Variants in USPL1 observed in about 807,000 individuals in gnomAD.
The protein encoded by USPL1 is SUMO-specific isopeptidase USPL1.
A neutral mutation model predicts 51.5 loss-of-function variants in USPL1; 27 were observed. The observed-to-expected ratio is 0.52, with a 90% CI of 0.39 to 0.72. The LOEUF is 0.72. Among genes scored for constraint, USPL1 ranks in the 30% least tolerant of loss-of-function variants. The probability of loss-of-function intolerance (pLI) is 0.00; values close to 1 mark genes in which losing one functional copy is unlikely to be tolerated. For synonymous variants in USPL1, 451 were observed against 459.6 expected, an observed-to-expected ratio of 0.98 and a Z score of 0.24; for missense variants, 1,226 against 1,268.0, an observed-to-expected ratio of 0.97 and a Z score of 0.50.
At position 30,631,087 on chromosome 13, in the gene USPL1, A is replaced by C. The variant is rs762040140; in HGVS notation, c.481A>C (p.Asn161His). 1.4e-5 allele frequency: 22 copies of C among 1,614,194 alleles called. No homozygotes were observed. Among genetic ancestry groups the C allele is most frequent in the Non-Finnish European group, 1.9e-5 (22 of 1,180,042 alleles). Residue 161 changes from asparagine (N) to histidine (H), a missense_variant, in exon 4 of 9, where the codon AAT becomes CAT. Asn to His is a moderately conservative substitution (Grantham distance 68). Coordinates refer to ENST00000255304, the MANE Select transcript of USPL1 (RefSeq NM_005800.5). ...SNLPDSSGQQ[N>H]PIRTADSLER... is the part of the protein sequence containing the mutation. ...CTTACCTGATAGTAGTGGTCAACAG[A>C]ATCCAATTAGGACAGCTGATTCCTT...
At chr13:30,623,502 TTATAG>T (rs778291003) in intron 3 of USPL1, among the ~76,000 whole-genome samples, 41 of 152,166 alleles carry the variant, frequency 2.7e-4, no homozygotes, top group African/African-American at 9.1e-4. Flanking sequence ...GGGAGATTAG[TTATAG>T]TATAATATGA....
In USPL1 at chr13:30,642,640, G is replaced by A. The variant is rs778912200; in HGVS notation, c.995G>A (p.Ser332Asn). 1.2e-6 allele frequency: 2 copies of A among 1,612,720 alleles called. No individual in the cohort carries two copies. Among genetic ancestry groups the A allele is most frequent in the East Asian group, 4.5e-5 (2 of 44,828 alleles). The change falls in exon 6 of 9, where the codon AGC becomes AAC. Residue 332 changes from serine (S) to asparagine (N), a missense_variant. Transcript: ENST00000255304. ...QLRCTLGDME[S>N]PVFAFPLLLK... is the part of the protein sequence containing the mutation. ...TTTCTTTTTGAAGGTGATATGGAAA[G>A]CCCTGTGTTTGCATTTCCCCTGCTC... is the stretch of plus-strand genomic sequence containing the variant.
chr13:30,633,172 A>C (rs1030948483), intron 4 of USPL1, among the ~76,000 whole-genome samples: 1 of 152,224 alleles, frequency 6.6e-6, no homozygotes, highest in Non-Finnish European at 1.5e-5. Context: ...ATAGTACAGT[A>C]ATATATTTTG....
At chr13:30,634,293 A>G (rs867393789) in intron 4 of USPL1, among the ~76,000 whole-genome samples, 11 of 152,220 alleles carry the variant, frequency 7.2e-5, no homozygotes, top group Admixed American at 1.3e-4. Flanking sequence ...TCACGTTGCC[A>G]GTGGAACACA....
intron 6 of USPL1, among the ~76,000 whole-genome samples, chr13:30,646,713 C>G (rs1320361595): frequency 2.0e-5 from 3 of 152,054 alleles, no homozygotes; most frequent in Non-Finnish European, 4.4e-5. Flanking sequence ...GTCTTTTTTT[C>G]TTGCTTCATC....
intron 4 of USPL1, 110 bp from the exon 5 acceptor site, chr13:30,637,634 G>C (rs1446259424): frequency 4.7e-6 from 4 of 845,788 alleles, no homozygotes; most frequent in Non-Finnish European, 7.4e-6. Context: ...TTTGCTTTTT[G>C]TCTGTTTGCA....
rs1200518691 is a variant in USPL1, at chr13:30,632,572, C to A, written c.868+1098C>A. 1.1e-4 allele frequency among the ~76,000 whole-genome samples: 17 copies of A among 152,068 alleles called. No homozygotes were observed. The East Asian group carries it at 3.3e-3, about 29-fold the overall frequency. The stretch of plus-strand genomic sequence containing the variant: ...GGGACTACAGGCGCCCACCACCAGG[C>A]CCAGCTAATTTTTGTATTTTTAGTA... On this transcript the variant is annotated intron_variant, in intron 4 of 8. Transcript: ENST00000255304.
Position 30,642,674 on chromosome 13 carries a change from A to G in USPL1, c.1029A>G (p.Leu343=), listed in dbSNP as rs913055602. ...PVFAFPLLLK[L]ETHIEKLFLY... The stretch of plus-strand genomic sequence containing the variant: ...TTGCATTTCCCCTGCTCTTAAAACT[A>G]GAAACCCACATTGAAAAGCTCTTCC... The change falls in exon 6 of 9, where the codon CTA becomes CTG. Residue 343 remains leucine, a synonymous_variant. Transcript: ENST00000255304. 2.5e-6 allele frequency: 4 copies of G among 1,614,012 alleles called. No individual in the cohort carries two copies. Among genetic ancestry groups the G allele is most frequent in the Admixed American group, 1.7e-5 (1 of 60,028 alleles).
chr13:30,655,621 T>G (rs9508813), intron 8 of USPL1, among the ~76,000 whole-genome samples: 77,516 of 152,062 alleles, frequency 0.51, 22,814 homozygotes, highest in African/African-American at 0.81. Context: ...ATAGATGTAC[T>G]TGTATAAGGA....
intron 5 of USPL1, 104 bp from the exon 6 acceptor site, chr13:30,642,524 T>C (rs190762783): frequency 1.4e-6 from 2 of 1,387,204 alleles, no homozygotes; most frequent in Admixed American, 4.3e-5. Flanking sequence ...TATTAACACA[T>C]ATTCATGCTG....
intron 6 of USPL1, 66 bp from the exon 7 acceptor site, chr13:30,646,866 G>C (rs894757694): frequency 1.3e-6 from 2 of 1,527,878 alleles, no homozygotes; most frequent in Non-Finnish European, 1.8e-6. Flanking sequence ...AATACTTTTA[G>C]ACATTGGTTT....
chr13:30,654,720 G>T (rs566440233), intron 8 of USPL1, among the ~76,000 whole-genome samples: 1 of 152,126 alleles, frequency 6.6e-6, no homozygotes, highest in East Asian at 1.9e-4. Context: ...GTATGTGAGG[G>T]ATTAGCATCT....
At chr13:30,621,275 T>G (rs1423632780) in intron 2 of USPL1, 36 bp downstream of exon 2, 5 of 1,491,764 alleles carry the variant, frequency 3.4e-6, no homozygotes, top group East Asian at 2.4e-5. Flanking sequence ...GTGCAAAGTT[T>G]TTTTTTTTTC....
chr13:30,622,582 G>T (rs1950659562), intron 3 of USPL1, among the ~76,000 whole-genome samples: 1 of 152,186 alleles, frequency 6.6e-6, no homozygotes, highest in Non-Finnish European at 1.5e-5. Context: ...CTGATACAGT[G>T]GCAGAGCTGT....
At position 30,660,425 on chromosome 13, in the gene USPL1, A is replaced by T. The variant is rs953274957; in HGVS notation, c.*1069A>T. The T allele has an allele frequency of 1.3e-5, 2 of 152,250 alleles. No individual in the cohort carries two copies. Among genetic ancestry groups the T allele is most frequent in the African/African-American group, 4.8e-5 (2 of 41,468 alleles). 9.4% of individuals were successfully genotyped at this position (152,250 alleles called of 1,614,324 possible). A position where few individuals can be genotyped will look rare whatever the true frequency, so the allele number is the denominator to read the frequency against. ...AAAGTGCAGGGATGCCTGAGTCTGC[A>T]CCCGCACCCAGGAGGGTGGAGATCT... On this transcript the variant is annotated 3_prime_UTR_variant, in exon 9 of 9. Transcript: ENST00000255304.
At chr13:30,637,341 C>T in intron 4 of USPL1, among the ~76,000 whole-genome samples, 1 of 152,112 alleles carries the variant, frequency 6.6e-6, no homozygotes, top group East Asian at 1.9e-4. Context: ...TTATCTGTTC[C>T]TATGACCTGG....
At chr13:30,652,649 C>G (rs1418603510) in intron 7 of USPL1, among the ~76,000 whole-genome samples, 8 of 152,190 alleles carry the variant, frequency 5.3e-5, no homozygotes, top group Admixed American at 5.2e-4. Context: ...TTTAATTTGA[C>G]AGGCCCCCTT....
At chr13:30,619,891 T>G (rs1950626052) in intron 1 of USPL1, among the ~76,000 whole-genome samples, 1 of 152,168 alleles carries the variant, frequency 6.6e-6, no homozygotes, top group African/African-American at 2.4e-5. Context: ...CAGGGGACAT[T>G]TGGCAAGTCA....
In USPL1 at chr13:30,642,628, G is replaced by T; in HGVS notation, c.983G>T (p.Gly328Val). Residue 328 changes from glycine (G) to valine (V), a missense_variant and splice_region_variant, in exon 6 of 9, where the codon GGT becomes GTT. By Grantham distance (109) the Gly-to-Val change is moderately radical. Transcript: ENST00000255304. ...SLQPQLRCTL[G>V]DMESPVFAFP... ...GTAATTCTTCCTTTTCTTTTTGAAG[G>T]TGATATGGAAAGCCCTGTGTTTGCA... 6.2e-7 allele frequency: 1 copy of T among 1,603,672 alleles called. No individual in the cohort carries two copies. The highest frequency in any genetic ancestry group is 8.5e-7 in the Non-Finnish European group (1 of 1,177,186).
Sources: allele counts gnomAD v4.1 joint callset (sites outside exome capture counted in the v4.1 genomes callset), GRCh38; gene constraint gnomAD v4.1.1; transcripts MANE v1.5; gene names NCBI Gene and HGNC (gene_info 2026-07-23, HGNC 2026-07-21).